DLGAP2: variants seen among roughly 807,000 people sequenced by gnomAD.
The protein encoded by DLGAP2 is disks large-associated protein 2.
Under a neutral mutation model 100.3 loss-of-function variants are expected in DLGAP2, and 26 were observed. The observed-to-expected ratio is 0.26, with a 90% CI of 0.19 to 0.36. The LOEUF is 0.36. Ranked by LOEUF, DLGAP2 falls within the 10% of genes least tolerant of loss-of-function variation. The probability of loss-of-function intolerance (pLI) is 1.00; values close to 1 mark genes in which losing one functional copy is unlikely to be tolerated. For synonymous variants in DLGAP2, 886 were observed against 630.1 expected (o/e 1.41, Z -6.08); for missense variants, 1,858 against 1,453.2 (o/e 1.28, Z -4.53).
Position 778,652 on chromosome 8 carries a change from C to T in DLGAP2, c.18+40827C>T, listed in dbSNP as rs111247435. Among the ~76,000 whole-genome samples the T allele has an allele frequency of 4.8e-3, 726 of 152,248 alleles. 21 individuals carry two copies. Among genetic ancestry groups the T allele is most frequent in the Admixed American group, 0.039 (599 of 15,302 alleles). ...GGGGGTGCCTCCCAGTTAGGCTGCT[C>T]AGGGGTCAGGGGTCAGGCACCCACT... On this transcript the variant is annotated intron_variant, in intron 1 of 14. Transcript: ENST00000637795.
intron 3 of DLGAP2, among the ~76,000 whole-genome samples, chr8:1,417,726 G>GCCCCACTCCTGCCTC: frequency 7.0e-6 from 1 of 142,596 alleles, no homozygotes; most frequent in African/African-American, 2.6e-5. Context: ...CGAGGCTCCA[G>GCCCCACTCCTGCCTC]ACACAGAAGC....
chr8:960,614 A>G (rs191588499), intron 2 of DLGAP2, among the ~76,000 whole-genome samples: 2 of 152,274 alleles, frequency 1.3e-5, no homozygotes, highest in Non-Finnish European at 2.9e-5. Context: ...TTGTGTTCAT[A>G]CAAAGACCGT....
At chr8:821,981 T>A in intron 1 of DLGAP2, 1 of 395,750 alleles carries the variant, frequency 2.5e-6, no homozygotes, top group Non-Finnish European at 4.5e-6. Context: ...TTCAGCTGAT[T>A]AATTATTGCT....
chr8:998,240 C>T (rs933837274), intron 2 of DLGAP2, among the ~76,000 whole-genome samples: 1 of 152,204 alleles, frequency 6.6e-6, no homozygotes, highest in Non-Finnish European at 1.5e-5. Context: ...GTTGGCACTG[C>T]TCCATCTGTG....
chr8:1,407,107 G>A (rs372410812), intron 3 of DLGAP2, among the ~76,000 whole-genome samples: 31 of 18,580 alleles, frequency 1.7e-3, no homozygotes, highest in African/African-American at 3.5e-3. Context: ...CTTGTCCTCC[G>A]GAGTCGTGTA....
intron 4 of DLGAP2, among the ~76,000 whole-genome samples, chr8:1,548,384 G>A (rs1280768228): frequency 6.7e-6 from 1 of 149,950 alleles, no homozygotes; most frequent in Non-Finnish European, 1.5e-5. Flanking sequence ...GCTTGAACCC[G>A]GGAGGCGGAG....
intron 3 of DLGAP2, among the ~76,000 whole-genome samples, chr8:1,267,284 G>A (rs555920938): frequency 7.1e-6 from 1 of 140,798 alleles, no homozygotes; most frequent in Non-Finnish European, 1.6e-5. Flanking sequence ...AAAATAAAAA[G>A]GTCTGGGTGC....
At chr8:1,593,926 T>A (rs1012081555) in intron 6 of DLGAP2, among the ~76,000 whole-genome samples, 1 of 152,224 alleles carries the variant, frequency 6.6e-6, no homozygotes, top group Non-Finnish European at 1.5e-5. Context: ...CACAGAGAAC[T>A]GGCATCTACC....
chr8:1,428,167 T>C (rs1797290967), intron 3 of DLGAP2, among the ~76,000 whole-genome samples: 1 of 151,712 alleles, frequency 6.6e-6, no homozygotes. Context: ...AACAAAATGC[T>C]AGTTAGTTAA....
At chr8:1,224,706 G>A (rs1044023150) in intron 2 of DLGAP2, among the ~76,000 whole-genome samples, 3 of 152,166 alleles carry the variant, frequency 2.0e-5, no homozygotes, top group Non-Finnish European at 4.4e-5. Flanking sequence ...ATGAATTATA[G>A]TGTCTATAAT....
At chr8:1,058,269 G>A (rs897408182) in intron 2 of DLGAP2, among the ~76,000 whole-genome samples, 5 of 152,154 alleles carry the variant, frequency 3.3e-5, no homozygotes, top group Admixed American at 1.3e-4. Context: ...TTTTGGAGAT[G>A]TTGCTTTACA....
chr8:1,122,358 A>G (rs1796068716), intron 2 of DLGAP2, among the ~76,000 whole-genome samples: 1 of 152,164 alleles, frequency 6.6e-6, no homozygotes, highest in South Asian at 2.1e-4. Flanking sequence ...GAGATTCTAA[A>G]TGGCTTTCCC....
chr8:949,646 G>T (rs1563109915), intron 2 of DLGAP2, among the ~76,000 whole-genome samples: 1 of 152,184 alleles, frequency 6.6e-6, no homozygotes, highest in African/African-American at 2.4e-5. Flanking sequence ...TCTTTTTCTG[G>T]CAGGTCCTCT....
At chr8:1,026,736 T>A (rs1801811166) in intron 2 of DLGAP2, among the ~76,000 whole-genome samples, 1 of 152,234 alleles carries the variant, frequency 6.6e-6, no homozygotes, top group African/African-American at 2.4e-5. Flanking sequence ...TGGCTCAGGT[T>A]TCTTACTCAT....
intron 3 of DLGAP2, among the ~76,000 whole-genome samples, chr8:1,332,451 GTC>G (rs1399629838): frequency 1.3e-5 from 2 of 152,002 alleles, no homozygotes; most frequent in Non-Finnish European, 1.5e-5. Flanking sequence ...GTACACATGT[GTC>G]TGCATGAGTA....
intron 10 of DLGAP2, among the ~76,000 whole-genome samples, chr8:1,671,477 G>A (rs547771584): frequency 1.2e-3 from 183 of 152,328 alleles, no homozygotes; most frequent in South Asian, 3.1e-3. Flanking sequence ...TGGAGCTCAC[G>A]CCCTCTGTGA....
chr8:1,610,272 C>T (rs1354837910), intron 6 of DLGAP2, among the ~76,000 whole-genome samples: 4 of 152,152 alleles, frequency 2.6e-5, no homozygotes, highest in Non-Finnish European at 4.4e-5. Context: ...ACTAAACAAC[C>T]TGCTCCTGAA....
chr8:1,539,115 A>C (rs1308835792), intron 4 of DLGAP2, among the ~76,000 whole-genome samples: 1 of 151,666 alleles, frequency 6.6e-6, no homozygotes, highest in Non-Finnish European at 1.5e-5. Flanking sequence ...TGAACTCTCA[A>C]CCTCAAGTGA....
At chr8:1,631,256 C>A (rs78652605) in intron 7 of DLGAP2, among the ~76,000 whole-genome samples, 1 of 151,982 alleles carries the variant, frequency 6.6e-6, no homozygotes, top group Admixed American at 6.6e-5. Context: ...AATGCACATA[C>A]CAGGTTAATG....
Sources: allele counts gnomAD v4.1 joint callset (sites outside exome capture counted in the v4.1 genomes callset), GRCh38; gene constraint gnomAD v4.1.1; transcripts MANE v1.5; gene names NCBI Gene and HGNC (gene_info 2026-07-23, HGNC 2026-07-21).